ATF7: variants seen among roughly 807,000 people sequenced by gnomAD.
ATF7 encodes the protein activating transcription factor 7, also known as cyclic AMP-dependent transcription factor ATF-7.
Under a neutral mutation model 50.4 loss-of-function variants are expected in ATF7, and 10 were observed. The ratio of observed to expected loss-of-function variants is 0.20; its 90% CI spans 0.12 to 0.34. The LOEUF (loss-of-function observed/expected upper bound fraction) is 0.34, where lower values mean the gene tolerates loss of function less well. Ranked by LOEUF, ATF7 falls within the 10% of genes least tolerant of loss-of-function variation. The pLI, the probability that ATF7 is intolerant of heterozygous loss-of-function variation, is 1.00. For synonymous variants in ATF7, 201 were observed against 226.4 expected (o/e 0.89, Z 1.01); for missense variants, 465 against 613.9 (o/e 0.76, Z 2.56).
At chr12:53,578,872 T>C (rs1238775153) in intron 2 of ATF7, among the ~76,000 whole-genome samples, 3 of 152,046 alleles carry the variant, frequency 2.0e-5, no homozygotes, top group Non-Finnish European at 4.4e-5. Flanking sequence ...GAGGTTGCTG[T>C]TGGCTTCTGC....
intron 2 of ATF7, among the ~76,000 whole-genome samples, chr12:53,565,302 GTT>G (rs200350633): frequency 1.4e-5 from 2 of 146,844 alleles, no homozygotes; most frequent in African/African-American, 5.0e-5. Context: ...AAAAAGATTA[GTT>G]TTTTTTTTTC....
chr12:53,552,512 AGGCACGT>A (rs748682041), intron 3 of ATF7, 22 bp downstream of exon 3: 1 of 1,566,218 alleles, frequency 6.4e-7, no homozygotes, highest in Non-Finnish European at 8.8e-7. Flanking sequence ...GGTGGTATCA[AGGCACGT>A]GGCTTTTGGG....
At chr12:53,555,302 G>A (rs1940656823) in intron 2 of ATF7, among the ~76,000 whole-genome samples, 1 of 150,008 alleles carries the variant, frequency 6.7e-6, no homozygotes, top group African/African-American at 2.5e-5. Flanking sequence ...TCCAGCCTGG[G>A]CAACAACAGT....
intron 4 of ATF7, among the ~76,000 whole-genome samples, chr12:53,541,233 T>C (rs1319918964): frequency 6.6e-6 from 1 of 152,200 alleles, no homozygotes; most frequent in Non-Finnish European, 1.5e-5. Flanking sequence ...AAATTTTTTC[T>C]TAAATATAGG....
At position 53,615,727 on chromosome 12, in the gene ATF7, C is replaced by G. The variant is rs145301481; in HGVS notation, c.-22+10552G>C. Among the ~76,000 whole-genome samples the G allele has an allele frequency of 1.9e-3, 296 of 151,870 alleles. 1 individual carries two copies. The highest frequency in any genetic ancestry group is 7.1e-3 in the African/African-American group (292 of 41,408). ...TCTCTGCAAAATAATTAAAGATTGG[C>G]TGGATCGGAAGTGAGGGGGTGTGCG... On this transcript the variant is annotated intron_variant, in intron 1 of 11. Coordinates refer to ENST00000420353, the MANE Select transcript of ATF7 (RefSeq NM_006856.3).
intron 1 of ATF7, among the ~76,000 whole-genome samples, chr12:53,609,538 C>T (rs1350201555): frequency 2.0e-5 from 3 of 150,196 alleles, no homozygotes; most frequent in Non-Finnish European, 3.0e-5. Context: ...CTCGGGAGCT[C>T]GGGAGACCGA....
At chr12:53,577,004 T>G (rs1271954023) in intron 2 of ATF7, among the ~76,000 whole-genome samples, 3 of 152,092 alleles carry the variant, frequency 2.0e-5, no homozygotes, top group Non-Finnish European at 4.4e-5. Context: ...TGCAGGGACC[T>G]GAGATCGTGC....
chr12:53,589,511 A>T (rs1592941689), intron 2 of ATF7, among the ~76,000 whole-genome samples: 1 of 152,194 alleles, frequency 6.6e-6, no homozygotes, highest in East Asian at 1.9e-4. Context: ...ATATACATGT[A>T]TGCATACATG....
Position 53,516,983 on chromosome 12 carries a change from G to T in ATF7, c.*154C>A. ...GGTGTCAAACGTACATGACCACATG[G>T]CTAAAAAGCCCCATATCTGTCCATT... On this transcript the variant is annotated 3_prime_UTR_variant, in exon 12 of 12. Coordinates refer to ENST00000420353, the MANE Select transcript of ATF7 (RefSeq NM_006856.3). The T allele has an allele frequency of 1.2e-6, 1 of 841,006 alleles. No homozygotes were observed. Among genetic ancestry groups the T allele is most frequent in the Non-Finnish European group, 1.9e-6 (1 of 537,484 alleles). The allele number at this position is 841,006 out of a possible 1,614,324, so 52.1% of individuals were successfully genotyped here.
chr12:53,601,170 C>A, intron 1 of ATF7, 149 bp from the exon 2 acceptor site: 1 of 603,296 alleles, frequency 1.7e-6, no homozygotes, highest in Non-Finnish European at 2.9e-6. Context: ...TTGGGGAGAC[C>A]CATTAGACAG....
intron 2 of ATF7, among the ~76,000 whole-genome samples, chr12:53,579,784 C>G (rs1425011031): frequency 6.6e-6 from 1 of 152,168 alleles, no homozygotes; most frequent in Admixed American, 6.6e-5. Context: ...CTTGTGAAGC[C>G]TGCCAGCATG....
intron 2 of ATF7, among the ~76,000 whole-genome samples, chr12:53,570,730 TGTGTGC>T (rs1268090996): frequency 3.5e-5 from 3 of 86,620 alleles, no homozygotes; most frequent in South Asian, 6.6e-4. Context: ...AGTGTTCTCC[TGTGTGC>T]GTGTGTGTGT....
At chr12:53,531,441 C>T (rs1283751619) in intron 9 of ATF7, among the ~76,000 whole-genome samples, 5 of 146,074 alleles carry the variant, frequency 3.4e-5, no homozygotes, top group African/African-American at 7.5e-5. Context: ...AAAAAAAAAG[C>T]GAGGCCGCTG....
At chr12:53,539,395 T>C (rs944357574) in intron 4 of ATF7, among the ~76,000 whole-genome samples, 3 of 151,592 alleles carry the variant, frequency 2.0e-5, no homozygotes, top group African/African-American at 4.9e-5. Context: ...CCTGTGCAAA[T>C]AGCAAAACCC....
Position 53,512,385 on chromosome 12 carries a change from C to T in ATF7, c.*4752G>A, listed in dbSNP as rs769964567. 2 of 152,180 alleles carry T rather than the reference C, an allele frequency of 1.3e-5. No individual in the cohort carries two copies. Among genetic ancestry groups the T allele is most frequent in the Admixed American group, 6.5e-5 (1 of 15,280 alleles). The allele number at this position is 152,180 out of a possible 1,614,324, so 9.4% of individuals were successfully genotyped here. On this transcript the variant is annotated 3_prime_UTR_variant, in exon 12 of 12. Transcript: ENST00000420353. ...CACTGGGCACTGGGGAGACCCAGACCGAGTTGAGTTCCTTGATAAGATGGA... is the reference window on the plus strand; with the variant it reads ...CACTGGGCACTGGGGAGACCCAGACTGAGTTGAGTTCCTTGATAAGATGGA...
intron 2 of ATF7, among the ~76,000 whole-genome samples, chr12:53,572,561 CG>C (rs1319787937): frequency 6.6e-6 from 1 of 151,978 alleles, no homozygotes; most frequent in Non-Finnish European, 1.5e-5. Flanking sequence ...GTGCTTTTGG[CG>C]GGGGGAAAGG....
chr12:53,531,045 CTT>C (rs1478259584), intron 9 of ATF7, among the ~76,000 whole-genome samples: 1 of 152,126 alleles, frequency 6.6e-6, no homozygotes, highest in African/African-American at 2.4e-5. Flanking sequence ...AGGGGAGCCT[CTT>C]TTGTTTACTG....
intron 8 of ATF7, among the ~76,000 whole-genome samples, chr12:53,532,240 A>T (rs1179857383): frequency 1.3e-5 from 2 of 152,094 alleles, no homozygotes; most frequent in African/African-American, 4.8e-5. Context: ...CCCACCCTCC[A>T]TCTGTCACCC....
chr12:53,607,814 T>C (rs1239796159), intron 1 of ATF7, among the ~76,000 whole-genome samples: 3 of 152,218 alleles, frequency 2.0e-5, no homozygotes, highest in African/African-American at 4.8e-5. Flanking sequence ...TTCTTCCTTG[T>C]ACTTTTAGTA....
Sources: gnomAD v4.1 joint callset for allele counts (sites outside exome capture counted in the v4.1 genomes callset) on GRCh38, gnomAD v4.1.1 for gene constraint, MANE v1.5 for transcripts, NCBI Gene and HGNC (gene_info 2026-07-23, HGNC 2026-07-21) for gene names.